The following EML6 variants were observed in gnomAD, a reference collection of about 807,000 sequenced individuals.
The protein encoded by EML6 is EMAP like 6.
In EML6, 154 loss-of-function variants were observed where a neutral mutation model predicts 240.1. That is an observed-to-expected ratio of 0.64 (90% CI 0.56 to 0.73). EML6 has a LOEUF of 0.73. Among genes scored for constraint, EML6 ranks in the 30% least tolerant of loss-of-function variants. The pLI is 0.00. For missense variants in EML6, 2,964 were observed against 2,474.6 expected, an observed-to-expected ratio of 1.20 and a Z score of -4.20; for synonymous variants, 1,148 against 899.0, an observed-to-expected ratio of 1.28 and a Z score of -4.95.
intron 28 of EML6, among the ~76,000 whole-genome samples, chr2:54,943,773 G>A (rs946380767): frequency 6.6e-5 from 10 of 152,018 alleles, no homozygotes; most frequent in African/African-American, 2.2e-4. Context: ...ATTTTAACTC[G>A]ATATATTAAA....
At chr2:54,914,121 T>G (rs1673783117) in intron 25 of EML6, among the ~76,000 whole-genome samples, 1 of 152,234 alleles carries the variant, frequency 6.6e-6, no homozygotes, top group African/African-American at 2.4e-5. Flanking sequence ...CTAGAAATGC[T>G]TTGACTATTC....
chr2:54,910,770 C>T (rs1251268043), intron 24 of EML6, among the ~76,000 whole-genome samples, 184 bp from the exon 25 acceptor site: 2 of 152,168 alleles, frequency 1.3e-5, no homozygotes, highest in Admixed American at 6.5e-5. Flanking sequence ...AAAATCACAG[C>T]TTTGGGGTTT....
chr2:54,748,567 T>C (rs1320046275), intron 2 of EML6, among the ~76,000 whole-genome samples: 6 of 151,994 alleles, frequency 3.9e-5, no homozygotes, highest in East Asian at 3.9e-4. Context: ...CTTCTTTTTA[T>C]TGGGGGGCAG....
At chr2:54,968,798 C>G (rs1174809499) in intron 41 of EML6, 30 bp downstream of exon 41, 2 of 1,261,162 alleles carry the variant, frequency 1.6e-6, no homozygotes, top group South Asian at 1.3e-5. Flanking sequence ...AGTTCTTACT[C>G]CACAGGCCTG....
intron 21 of EML6, among the ~76,000 whole-genome samples, chr2:54,896,343 A>T (rs116577835): frequency 6.6e-6 from 1 of 152,148 alleles, no homozygotes; most frequent in Non-Finnish European, 1.5e-5. Context: ...GGGCCTCACT[A>T]TAGTCTCAGC....
At chr2:54,845,142 A>C (rs1188891965) in intron 8 of EML6, among the ~76,000 whole-genome samples, 1 of 152,330 alleles carries the variant, frequency 6.6e-6, no homozygotes, top group East Asian at 1.9e-4. Flanking sequence ...ATCAAAATAC[A>C]ATTAGTGTAG....
intron 11 of EML6, among the ~76,000 whole-genome samples, chr2:54,857,063 G>A (rs985836960): frequency 3.9e-5 from 6 of 152,242 alleles, no homozygotes; most frequent in African/African-American, 1.4e-4. Context: ...GACTTGAGCA[G>A]TGGGTTGAAT....
At chr2:54,766,075 C>T (rs764988240) in intron 2 of EML6, among the ~76,000 whole-genome samples, 27 of 152,112 alleles carry the variant, frequency 1.8e-4, no homozygotes, top group Non-Finnish European at 3.5e-4. Flanking sequence ...CATCTATCCA[C>T]ATGTATATGT....
chr2:54,936,932 C>T (rs899941991), intron 28 of EML6, among the ~76,000 whole-genome samples: 6 of 150,976 alleles, frequency 4.0e-5, no homozygotes, highest in Non-Finnish European at 8.8e-5. Flanking sequence ...TTGCCAGTCT[C>T]TCCTGCTTAG....
chr2:54,951,125 A>G (rs1675954858), intron 30 of EML6, among the ~76,000 whole-genome samples: 1 of 152,206 alleles, frequency 6.6e-6, no homozygotes, highest in South Asian at 2.1e-4. Flanking sequence ...GAAATCACAG[A>G]ACTTTGCCTA....
chr2:54,917,635 A>T (rs751373800), intron 26 of EML6, among the ~76,000 whole-genome samples: 1 of 152,190 alleles, frequency 6.6e-6, no homozygotes, highest in African/African-American at 2.4e-5. Context: ...TGCTGGGATT[A>T]TGGGCGTGAG....
intron 2 of EML6, among the ~76,000 whole-genome samples, chr2:54,790,064 G>A (rs1314681340): frequency 3.3e-5 from 5 of 152,198 alleles, no homozygotes; most frequent in Admixed American, 2.6e-4. Flanking sequence ...TCTAAGAATA[G>A]TCAGCATTAA....
rs957755778 is a variant in EML6, at chr2:54,905,505, G to A, written c.3409+2003G>A. Among the ~76,000 whole-genome samples, 7 of 152,142 alleles carry A rather than the reference G, an allele frequency of 4.6e-5. No individual in the cohort carries two copies. In the South Asian group the frequency reaches 1.2e-3, roughly 27 times the overall value. ...GGTATATATAGAGTAAATTTTGACT[G>A]GGAAGATTTCTTAATTATTTTGAAT... On this transcript the variant is annotated intron_variant, in intron 24 of 41. Transcript: ENST00000356458.
At chr2:54,968,816 C>G (rs755442428) in intron 41 of EML6, 48 bp downstream of exon 41, 3 of 1,040,036 alleles carry the variant, frequency 2.9e-6, no homozygotes. Context: ...CTGGCCAGCT[C>G]TCCCTCCCCA....
intron 7 of EML6, among the ~76,000 whole-genome samples, chr2:54,836,870 C>A (rs893913708): frequency 6.6e-6 from 1 of 152,174 alleles, no homozygotes; most frequent in African/African-American, 2.4e-5. Flanking sequence ...TCCTTCATTT[C>A]TTTCACATTT....
chr2:54,775,399 G>A (rs549121634), intron 2 of EML6, among the ~76,000 whole-genome samples: 1 of 152,210 alleles, frequency 6.6e-6, no homozygotes, highest in Non-Finnish European at 1.5e-5. Context: ...TTTTGGACTT[G>A]TTCTTTCCCG....
In EML6 at chr2:54,895,259, A is replaced by T; in HGVS notation, c.2855-14A>T. The T allele has an allele frequency of 6.4e-7, 1 of 1,551,344 alleles. No individual in the cohort carries two copies. The highest frequency in any genetic ancestry group is 8.7e-7 in the Non-Finnish European group (1 of 1,146,746). ...TTTTTGTTATTGTGTTAAATATACC[A>T]TCCCCTTCCCCAGGCTTGCTTTTGG... On this transcript the variant is annotated splice_polypyrimidine_tract_variant and intron_variant, in intron 20 of 41. Coordinates refer to ENST00000356458, the MANE Select transcript of EML6 (RefSeq NM_001039753.4).
chr2:54,815,970 A>AT (rs553303656), intron 3 of EML6, among the ~76,000 whole-genome samples: 171 of 152,346 alleles, frequency 1.1e-3, no homozygotes, highest in African/African-American at 4.0e-3. Flanking sequence ...AGGAATGATT[A>AT]TTTTTTATAC....
chr2:54,895,270 C>T lies in EML6; in HGVS notation c.2855-3C>T. On this transcript the variant is annotated splice_region_variant and splice_polypyrimidine_tract_variant and intron_variant, in intron 20 of 41. Transcript: ENST00000356458. ...GTGTTAAATATACCATCCCCTTCCCCAGGCTTGCTTTTGGAAGATAACCCT... is the reference window on the plus strand; with the variant it reads ...GTGTTAAATATACCATCCCCTTCCCTAGGCTTGCTTTTGGAAGATAACCCT... 6.4e-7 allele frequency: 1 copy of T among 1,551,564 alleles called. No homozygotes were observed.
Sources: gnomAD v4.1 joint callset for allele counts (sites outside exome capture counted in the v4.1 genomes callset) on GRCh38, gnomAD v4.1.1 for gene constraint, MANE v1.5 for transcripts, NCBI Gene and HGNC (gene_info 2026-07-23, HGNC 2026-07-21) for gene names.